NOX4: variants seen among roughly 807,000 people sequenced by gnomAD.
NOX4 encodes kidney oxidase-1.
In NOX4, 69 loss-of-function variants were observed where a neutral mutation model predicts 87.6. The observed-to-expected ratio is 0.79, with a 90% CI of 0.65 to 0.96. The LOEUF (loss-of-function observed/expected upper bound fraction) is 0.96. Among genes scored for constraint, NOX4 ranks in the 40% least tolerant of loss-of-function variants. NOX4 has a pLI of 0.00. For synonymous variants in NOX4, 275 were observed against 238.2 expected (o/e 1.15, Z -1.42); for missense variants, 680 against 681.5 (o/e 1.00, Z 0.02).
At chr11:89,496,091 G>T (rs1220583356), upstream of NOX4, among the ~76,000 whole-genome samples, 3 of 152,146 alleles carry the variant, frequency 2.0e-5, no homozygotes, top group Non-Finnish European at 4.4e-5. Flanking sequence ...AGGGAGCCAG[G>T]GAAAAGTGGT....
chr11:89,466,073 C>T (rs1945680020), intron 2 of NOX4, among the ~76,000 whole-genome samples: 1 of 152,082 alleles, frequency 6.6e-6, no homozygotes, highest in East Asian at 1.9e-4. Flanking sequence ...AGCCATCTGT[C>T]AACAAGGAAG....
At chr11:89,437,053 C>G (rs1944112372) in intron 6 of NOX4, among the ~76,000 whole-genome samples, 1 of 151,926 alleles carries the variant, frequency 6.6e-6, no homozygotes, top group East Asian at 1.9e-4. Context: ...TCCATGAAAT[C>G]TATTAACTAA....
chr11:89,585,473 C>A, the NOX4 span, among the ~76,000 whole-genome samples: 1 of 152,134 alleles, frequency 6.6e-6, no homozygotes, highest in Non-Finnish European at 1.5e-5. Flanking sequence ...CAAGCTTTCC[C>A]TATAAAAGGC....
At chr11:89,586,832 T>G in the NOX4 span, among the ~76,000 whole-genome samples, 1 of 152,120 alleles carries the variant, frequency 6.6e-6, no homozygotes, top group Non-Finnish European at 1.5e-5. Flanking sequence ...AGAAAAATCA[T>G]GTACATTGAC....
At chr11:89,520,751 C>T in the NOX4 span, among the ~76,000 whole-genome samples, 3 of 152,204 alleles carry the variant, frequency 2.0e-5, no homozygotes, top group South Asian at 2.1e-4. Context: ...AAGGAACAAA[C>T]TATCTCTCTT....
At chr11:89,388,723 A>G (rs1940900158) in intron 11 of NOX4, among the ~76,000 whole-genome samples, 1 of 152,102 alleles carries the variant, frequency 6.6e-6, no homozygotes, top group African/African-American at 2.4e-5. Flanking sequence ...CCCTCAAATG[A>G]CTGTTTCTAC....
chr11:89,583,637 T>G, the NOX4 span, among the ~76,000 whole-genome samples: 1 of 152,204 alleles, frequency 6.6e-6, no homozygotes, highest in South Asian at 2.1e-4. Flanking sequence ...TTTGCTATAA[T>G]AAGTTATCCC....
At chr11:89,476,870 C>T (rs1428082512) in intron 2 of NOX4, among the ~76,000 whole-genome samples, 1 of 152,060 alleles carries the variant, frequency 6.6e-6, no homozygotes, top group Non-Finnish European at 1.5e-5. Flanking sequence ...AATTAGGAAA[C>T]TAAATAAGTC....
intron 5 of NOX4, 72 bp from the exon 6 acceptor site, chr11:89,440,787 G>T: frequency 1.2e-6 from 1 of 847,012 alleles, no homozygotes; most frequent in Non-Finnish European, 1.8e-6. Context: ...TAAAGAGTAT[G>T]CAGGATCTAC....
At chr11:89,588,720 G>T in the NOX4 span, among the ~76,000 whole-genome samples, 1 of 152,110 alleles carries the variant, frequency 6.6e-6, no homozygotes, top group African/African-American at 2.4e-5. Context: ...TGCCTAGGAG[G>T]TTACATGGGG....
At chr11:89,429,673 C>A (rs1478003901) in intron 7 of NOX4, among the ~76,000 whole-genome samples, 2 of 152,096 alleles carry the variant, frequency 1.3e-5, no homozygotes, top group African/African-American at 4.8e-5. Flanking sequence ...GAAGATGAAT[C>A]CCTGAATAGA....
At chr11:89,475,904 A>G (rs888713351) in intron 2 of NOX4, among the ~76,000 whole-genome samples, 1 of 152,066 alleles carries the variant, frequency 6.6e-6, no homozygotes, top group Non-Finnish European at 1.5e-5. Context: ...TTTCCATACT[A>G]TATTTCTTAT....
the NOX4 span, among the ~76,000 whole-genome samples, chr11:89,560,574 G>T: frequency 6.6e-6 from 1 of 152,048 alleles, no homozygotes; most frequent in South Asian, 2.1e-4. Context: ...TTCATGAATT[G>T]TGAGTTGGTT....
intron 12 of NOX4, among the ~76,000 whole-genome samples, chr11:89,367,467 C>T (rs1002211930): frequency 7.9e-5 from 12 of 152,234 alleles, no homozygotes; most frequent in South Asian, 4.1e-4. Flanking sequence ...ATCGCCAGAC[C>T]TTTCCTTTGC....
chr11:89,366,655 T>G (rs1340994702), intron 12 of NOX4, among the ~76,000 whole-genome samples: 2 of 147,088 alleles, frequency 1.4e-5, no homozygotes, highest in African/African-American at 5.1e-5. Flanking sequence ...ATCACTGCAC[T>G]CTAGCCTGGG....
the NOX4 span, among the ~76,000 whole-genome samples, chr11:89,546,248 T>C: frequency 6.6e-6 from 1 of 152,160 alleles, no homozygotes; most frequent in Non-Finnish European, 1.5e-5. Flanking sequence ...TTCCAGGCAC[T>C]GTGTTTGGTG....
the NOX4 span, among the ~76,000 whole-genome samples, chr11:89,527,419 C>A: frequency 2.4e-3 from 365 of 152,292 alleles, 2 homozygotes; most frequent in Admixed American, 4.0e-3. Context: ...AAATGCTAAT[C>A]AGCAAGACAA....
chr11:89,416,623 C>A (rs1403131811), intron 8 of NOX4, among the ~76,000 whole-genome samples: 1 of 152,172 alleles, frequency 6.6e-6, no homozygotes. Flanking sequence ...TGGTTAACAT[C>A]TTGAGTCTAA....
At chr11:89,380,007 A>T (rs1263546353) in intron 11 of NOX4, among the ~76,000 whole-genome samples, 1 of 152,142 alleles carries the variant, frequency 6.6e-6, no homozygotes, top group Non-Finnish European at 1.5e-5. Context: ...CAACTCCTTT[A>T]TCAATCAAAG....
Sources: gnomAD v4.1 joint callset for allele counts (sites outside exome capture counted in the v4.1 genomes callset) on GRCh38, gnomAD v4.1.1 for gene constraint, MANE v1.5 for transcripts, NCBI Gene and HGNC (gene_info 2026-07-23, HGNC 2026-07-21) for gene names.